SV2B: variants seen among roughly 807,000 people sequenced by gnomAD.
SV2B encodes solute carrier family 22 member B2.
In SV2B, 41 loss-of-function variants were observed where a neutral mutation model predicts 73.9. The ratio of observed to expected loss-of-function variants is 0.56; its 90% CI spans 0.43 to 0.72. SV2B has a LOEUF of 0.72. SV2B is among the 30% of genes least tolerant of loss of function. The probability of loss-of-function intolerance (pLI) is 0.00; values close to 1 mark genes in which losing one functional copy is unlikely to be tolerated. For missense variants in SV2B, 764 were observed against 857.8 expected (o/e 0.89, Z 1.37); for synonymous variants, 314 against 314.2 (o/e 1.00, Z 0.01).
At chr15:91,204,858 CGT>C (rs1440687877) in intron 1 of SV2B, among the ~76,000 whole-genome samples, 2 of 152,010 alleles carry the variant, frequency 1.3e-5, no homozygotes, top group African/African-American at 4.8e-5. Context: ...ACCTGGCCCA[CGT>C]ACTTTCTTCT....
intron 11 of SV2B, among the ~76,000 whole-genome samples, chr15:91,286,375 A>G (rs1345885488): frequency 2.6e-5 from 4 of 152,190 alleles, no homozygotes; most frequent in African/African-American, 9.7e-5. Flanking sequence ...TGTGCAAGTC[A>G]TTTCTTGTTA....
In SV2B at chr15:91,232,487, T is replaced by G. The variant is rs1268759324; in HGVS notation, c.451+5773T>G. The stretch of plus-strand genomic sequence containing the variant: ...TTAATGGGGAGCTATGAAATATGCC[T>G]TTGAGGAAGGAGGTGATAAGATGGG... On this transcript the variant is annotated intron_variant, in intron 2 of 12. Transcript: ENST00000394232. The surrounding 1 kb of genome is among the most constrained non-coding windows in gnomAD (Gnocchi z 4.7). Among the ~76,000 whole-genome samples, 2 of 152,102 alleles carry G rather than the reference T, an allele frequency of 1.3e-5. No homozygotes were observed. The highest frequency in any genetic ancestry group is 2.9e-5 in the Non-Finnish European group (2 of 68,012).
rs772770086 is a variant in SV2B at position 91,129,289 on chromosome 15, A to G, written c.-392+28926A>G. Among the ~76,000 whole-genome samples, 6 of 152,348 alleles carry G rather than the reference A, an allele frequency of 3.9e-5. No individual in the cohort carries two copies. The highest frequency in any genetic ancestry group is 2.0e-4 in the Admixed American group (3 of 15,304). On this transcript the variant is annotated intron_variant, in intron 1 of 12. Coordinates refer to ENST00000394232, the MANE Select transcript of SV2B (RefSeq NM_001323032.3). This position sits in a 1 kb window ranked among gnomAD's most constrained non-coding sequence, Gnocchi z 5.1. ...GTGGGTTGAATACATGTGCATTTGC[A>G]TGTATTTGCATTTCATAAATGAAAT...
At chr15:91,144,068 A>G (rs1390331611) in intron 1 of SV2B, among the ~76,000 whole-genome samples, 2 of 152,200 alleles carry the variant, frequency 1.3e-5, no homozygotes, top group African/African-American at 2.4e-5. Flanking sequence ...TCTTTGGGTT[A>G]TACACTCTCT....
chr15:91,147,347 C>G (rs921459422), intron 1 of SV2B, among the ~76,000 whole-genome samples: 1 of 152,170 alleles, frequency 6.6e-6, no homozygotes, highest in Non-Finnish European at 1.5e-5. Flanking sequence ...GGATGCAAAT[C>G]TCTGCAGAGA....
At chr15:91,264,863 C>T (rs962359461) in intron 6 of SV2B, among the ~76,000 whole-genome samples, 1 of 152,060 alleles carries the variant, frequency 6.6e-6, no homozygotes, top group Non-Finnish European at 1.5e-5. Context: ...TCCCAGCATG[C>T]GTGCCAGTTA....
chr15:91,233,186 C>A (rs996857588), intron 2 of SV2B, among the ~76,000 whole-genome samples: 1 of 152,156 alleles, frequency 6.6e-6, no homozygotes, highest in African/African-American at 2.4e-5. Context: ...CACTGATAGT[C>A]CATGTTGTGA....
chr15:91,226,813 G>A lies in SV2B; in HGVS notation c.451+99G>A, dbSNP rs138359814. The A allele has an allele frequency of 1.6e-4, 223 of 1,393,968 alleles. No homozygotes were observed. The African/African-American group carries it at 2.7e-3, about 17-fold the overall frequency. 86.3% of individuals were successfully genotyped at this position (1,393,968 alleles called of 1,614,324 possible). On this transcript the variant is annotated intron_variant, in intron 2 of 12. Coordinates refer to ENST00000394232, the MANE Select transcript of SV2B (RefSeq NM_001323032.3). The stretch of plus-strand genomic sequence containing the variant: ...TTAGGCACTTTAAATATATCACAAT[G>A]TACCCATTTTGCTGTGAAGGAATTT...
Position 91,289,739 on chromosome 15 carries a change from T to C in SV2B, c.1868+59T>C. On this transcript the variant is annotated intron_variant, in intron 12 of 12. Transcript: ENST00000394232. This position sits in a 1 kb window ranked among gnomAD's most constrained non-coding sequence, Gnocchi z 4.9. The stretch of plus-strand genomic sequence containing the variant: ...GTTTGGGCTTCTTTGGCCAGAAGTC[T>C]ACCTGCTCCCTAAATCTCATGCTGT... 1 of 1,554,076 alleles carries C rather than the reference T, an allele frequency of 6.4e-7. No homozygotes were observed. Among genetic ancestry groups the C allele is most frequent in the African/African-American group, 1.4e-5 (1 of 73,030 alleles).
intron 1 of SV2B, among the ~76,000 whole-genome samples, chr15:91,202,478 G>T (rs2045494524): frequency 6.6e-6 from 1 of 152,148 alleles, no homozygotes; most frequent in South Asian, 2.1e-4. Flanking sequence ...AGACCACCTG[G>T]GTGTCTTGGG....
In SV2B at chr15:91,128,057, CT is replaced by C. The variant is rs2042536921; in HGVS notation, c.-392+27695del. Among the ~76,000 whole-genome samples the C allele has an allele frequency of 6.6e-6, 1 of 152,140 alleles. No homozygotes were observed. Among genetic ancestry groups the C allele is most frequent in the Non-Finnish European group, 1.5e-5 (1 of 68,034 alleles). Reference sequence around the variant, plus strand: ...ACTGGAGAAAAAGAGAAAAATATACCTGTGAAAGCTCTTATTATCATTGTCA... The same window carrying C: ...ACTGGAGAAAAAGAGAAAAATATACCGTGAAAGCTCTTATTATCATTGTCA... On this transcript the variant is annotated intron_variant, in intron 1 of 12. Transcript: ENST00000394232. This position sits in a 1 kb window ranked among gnomAD's most constrained non-coding sequence, Gnocchi z 4.2.
intron 1 of SV2B, among the ~76,000 whole-genome samples, chr15:91,135,837 G>A (rs1453995243): frequency 6.6e-6 from 1 of 152,110 alleles, no homozygotes; most frequent in African/African-American, 2.4e-5. Flanking sequence ...AATTTCACAT[G>A]GCTAGCAGTT....
chr15:91,103,326 A>G (rs148368506), intron 1 of SV2B, among the ~76,000 whole-genome samples: 1 of 152,234 alleles, frequency 6.6e-6, no homozygotes, highest in East Asian at 1.9e-4. Flanking sequence ...GAATCTTAGT[A>G]TTATGATTTT....
At chr15:91,149,892 A>G (rs1265761515) in intron 1 of SV2B, among the ~76,000 whole-genome samples, 4 of 152,202 alleles carry the variant, frequency 2.6e-5, no homozygotes, top group Non-Finnish European at 4.4e-5. Flanking sequence ...ATTATATGCC[A>G]CTTCTTGTGC....
At chr15:91,266,018 A>C (rs1039721331) in intron 6 of SV2B, among the ~76,000 whole-genome samples, 1 of 152,088 alleles carries the variant, frequency 6.6e-6, no homozygotes, top group Non-Finnish European at 1.5e-5. Flanking sequence ...TGGTGCAGGC[A>C]TGTAGTCCCA....
At position 91,258,051 on chromosome 15, in the gene SV2B, A is replaced by G. The variant is rs1178424828; in HGVS notation, c.785-370A>G. On this transcript the variant is annotated intron_variant, in intron 4 of 12. Transcript: ENST00000394232. The surrounding 1 kb of genome is among the most constrained non-coding windows in gnomAD (Gnocchi z 4.7). ...AATATGTTTCCTTTAACAATCTGCC[A>G]TCTTAAAATATAATGATTCTGTAGA... Among the ~76,000 whole-genome samples, 3 of 152,218 alleles carry G rather than the reference A, an allele frequency of 2.0e-5. No homozygotes were observed. The highest frequency in any genetic ancestry group is 2.0e-4 in the Admixed American group (3 of 15,290).
chr15:91,123,410 A>G lies in SV2B; in HGVS notation c.-392+23047A>G, dbSNP rs1365460209. ...TATTCATATTTGAAAACAACATTTT[A>G]TATATAACAAATATACATAATTTTT... On this transcript the variant is annotated intron_variant, in intron 1 of 12. Coordinates refer to ENST00000394232, the MANE Select transcript of SV2B (RefSeq NM_001323032.3). This position sits in a 1 kb window ranked among gnomAD's most constrained non-coding sequence, Gnocchi z 4.7. 6.6e-6 allele frequency among the ~76,000 whole-genome samples: 1 copy of G among 152,204 alleles called. No homozygotes were observed. Among genetic ancestry groups the G allele is most frequent in the African/African-American group, 2.4e-5 (1 of 41,458 alleles).
chr15:91,187,999 T>A (rs1434832391), intron 1 of SV2B, among the ~76,000 whole-genome samples: 1 of 152,046 alleles, frequency 6.6e-6, no homozygotes, highest in Non-Finnish European at 1.5e-5. Context: ...TCCAAGTATG[T>A]ATTACTAAGA....
At position 91,301,885 on chromosome 15, in the gene SV2B, G is replaced by T. The variant is rs2049455163; in HGVS notation, c.*9333G>T. Among the ~76,000 whole-genome samples, 1 of 152,160 alleles carries T rather than the reference G, an allele frequency of 6.6e-6. No homozygotes were observed. The highest frequency in any genetic ancestry group is 1.5e-5 in the Non-Finnish European group (1 of 68,018). ...CAATTTGGGAGCATTTCGGATTTTTGACTTTTGGATTTGGATTTGGAATGC... is the reference window on the plus strand; with the variant it reads ...CAATTTGGGAGCATTTCGGATTTTTTACTTTTGGATTTGGATTTGGAATGC... On this transcript the variant is annotated 3_prime_UTR_variant, in exon 13 of 13. Transcript: ENST00000394232. The surrounding 1 kb of genome is among the most constrained non-coding windows in gnomAD (Gnocchi z 4.3).
Sources: allele counts gnomAD v4.1 joint callset (sites outside exome capture counted in the v4.1 genomes callset), GRCh38; gene constraint gnomAD v4.1.1; non-coding constraint Gnocchi (gnomAD v3.1); transcripts MANE v1.5; gene names NCBI Gene and HGNC (gene_info 2026-07-23, HGNC 2026-07-21).